TMEM117: variants seen among roughly 807,000 people sequenced by gnomAD.
The protein encoded by TMEM117 is transmembrane protein 117.
TMEM117 carries 27 observed loss-of-function variants against 52.4 expected under a neutral mutation model. The ratio of observed to expected loss-of-function variants is 0.51; its 90% CI spans 0.38 to 0.71. The LOEUF (loss-of-function observed/expected upper bound fraction) is 0.71, where lower values mean the gene tolerates loss of function less well. TMEM117 is among the 30% of genes least tolerant of loss of function. The pLI is 0.00. For synonymous variants in TMEM117, 215 were observed against 206.3 expected (o/e 1.04, Z -0.36); for missense variants, 556 against 630.5 (o/e 0.88, Z 1.26).
intron 6 of TMEM117, among the ~76,000 whole-genome samples, chr12:44,373,281 A>G (rs1951889494): frequency 6.6e-6 from 1 of 152,184 alleles, no homozygotes; most frequent in Non-Finnish European, 1.5e-5. Flanking sequence ...CATGAAACTA[A>G]TGGTTACATG....
At chr12:44,050,468 T>C (rs1231587132) in intron 3 of TMEM117, among the ~76,000 whole-genome samples, 2 of 152,220 alleles carry the variant, frequency 1.3e-5, no homozygotes, top group Non-Finnish European at 2.9e-5. Context: ...TGAGACACTG[T>C]ACCCGGCTAG....
intron 6 of TMEM117, among the ~76,000 whole-genome samples, chr12:44,373,493 C>T (rs529372668): frequency 3.2e-4 from 49 of 152,332 alleles, no homozygotes; most frequent in Non-Finnish European, 5.9e-4. Context: ...ACATACCTAT[C>T]CACTTCCTTT....
In TMEM117 at chr12:44,152,153, A is replaced by G. The variant is rs570799709; in HGVS notation, c.510+8529A>G. The stretch of plus-strand genomic sequence containing the variant: ...ATATTTATATTATTTATATATTTAT[A>G]TTTACATAATATATATAAAATTATA... On this transcript the variant is annotated intron_variant, in intron 4 of 7. Coordinates refer to ENST00000266534, the MANE Select transcript of TMEM117 (RefSeq NM_032256.3). Among the ~76,000 whole-genome samples, 634 of 111,274 alleles carry G rather than the reference A, an allele frequency of 5.7e-3. 4 individuals carry two copies. Among genetic ancestry groups the G allele is most frequent in the African/African-American group, 0.023 (606 of 26,906 alleles). 73.0% of individuals were successfully genotyped at this position (111,274 alleles called of 152,430 possible).
intron 6 of TMEM117, among the ~76,000 whole-genome samples, chr12:44,354,390 C>A (rs1218992020): frequency 6.6e-6 from 1 of 151,980 alleles, no homozygotes; most frequent in East Asian, 1.9e-4. Context: ...GACCAATATC[C>A]TTGATGAACA....
At chr12:44,036,851 TTA>T (rs1397218553) in intron 3 of TMEM117, among the ~76,000 whole-genome samples, 1 of 152,278 alleles carries the variant, frequency 6.6e-6, no homozygotes, top group Non-Finnish European at 1.5e-5. Context: ...AGGTCTGTTC[TTA>T]TTATGTAACA....
chr12:44,339,425 G>A (rs2138746775), intron 6 of TMEM117, among the ~76,000 whole-genome samples: 1 of 152,090 alleles, frequency 6.6e-6, no homozygotes, highest in Non-Finnish European at 1.5e-5. Flanking sequence ...AGAAGTAGTA[G>A]CCAATGGAAT....
At chr12:44,103,759 A>G (rs1947903982) in intron 3 of TMEM117, among the ~76,000 whole-genome samples, 1 of 151,992 alleles carries the variant, frequency 6.6e-6, no homozygotes, top group Non-Finnish European at 1.5e-5. Context: ...GGAAAGTCAC[A>G]TGGCTGAGTC....
At chr12:44,180,128 G>A (rs1949171374) in intron 4 of TMEM117, among the ~76,000 whole-genome samples, 2 of 152,144 alleles carry the variant, frequency 1.3e-5, no homozygotes, top group South Asian at 4.1e-4. Context: ...ACCAAAAAAT[G>A]TGGCCCCTGA....
At chr12:44,211,013 A>G (rs1949638233) in intron 4 of TMEM117, among the ~76,000 whole-genome samples, 1 of 152,168 alleles carries the variant, frequency 6.6e-6, no homozygotes. Flanking sequence ...CTTTGTTTCT[A>G]TGGTACTGTC....
chr12:44,099,705 A>G (rs1947830159), intron 3 of TMEM117, among the ~76,000 whole-genome samples: 1 of 152,046 alleles, frequency 6.6e-6, no homozygotes, highest in African/African-American at 2.4e-5. Context: ...CAAAGTCTAG[A>G]GTTTAGAATT....
At chr12:44,067,057 A>G (rs1313346684) in intron 3 of TMEM117, among the ~76,000 whole-genome samples, 4 of 152,174 alleles carry the variant, frequency 2.6e-5, no homozygotes, top group Admixed American at 6.5e-5. Flanking sequence ...CATCTCAAGA[A>G]AATACTTTCT....
chr12:43,806,181 C>A, the TMEM117 span: 1 of 1,538,800 alleles, frequency 6.5e-7, no homozygotes, highest in South Asian at 1.2e-5. Flanking sequence ...CCGGCTCTCC[C>A]GGAAGCCCCT....
intron 4 of TMEM117, among the ~76,000 whole-genome samples, chr12:44,211,022 T>C (rs1432356717): frequency 6.6e-6 from 1 of 152,142 alleles, no homozygotes; most frequent in East Asian, 1.9e-4. Flanking sequence ...TATGGTACTG[T>C]CTTATATCCG....
chr12:43,911,724 CA>C (rs1944505414), intron 2 of TMEM117, among the ~76,000 whole-genome samples: 1 of 144,812 alleles, frequency 6.9e-6, no homozygotes, highest in Admixed American at 6.9e-5. Context: ...GACATTTATG[CA>C]GCCAAAAAAC....
At chr12:44,302,191 C>G (rs1031973399) in intron 6 of TMEM117, among the ~76,000 whole-genome samples, 2 of 152,190 alleles carry the variant, frequency 1.3e-5, no homozygotes, top group Non-Finnish European at 2.9e-5. Context: ...TGCAGCTCTT[C>G]TTCATAACCT....
intron 5 of TMEM117, among the ~76,000 whole-genome samples, chr12:44,260,367 A>G (rs1950307227): frequency 6.6e-6 from 1 of 152,210 alleles, no homozygotes; most frequent in Non-Finnish European, 1.5e-5. Context: ...CATCAGGTGC[A>G]CAAGTACAAA....
At chr12:43,929,449 T>C (rs1944837265) in intron 2 of TMEM117, among the ~76,000 whole-genome samples, 1 of 152,180 alleles carries the variant, frequency 6.6e-6, no homozygotes, top group South Asian at 2.1e-4. Flanking sequence ...CTTATAGCAC[T>C]TAACTTTATT....
chr12:43,912,531 A>ATATATATATATATATATATATATATG (rs1565747582), intron 2 of TMEM117, among the ~76,000 whole-genome samples: 1 of 115,490 alleles, frequency 8.7e-6, no homozygotes, highest in African/African-American at 2.9e-5. Flanking sequence ...ATATATATAT[A>ATATATATATATATATATATATATATG]TATATGGCAG....
intron 6 of TMEM117, among the ~76,000 whole-genome samples, chr12:44,348,813 T>C (rs534287765): frequency 9.9e-5 from 15 of 151,846 alleles, no homozygotes; most frequent in Admixed American, 9.2e-4. Flanking sequence ...GGGTGAAGAG[T>C]TGGGACCATT....
Sources: allele counts gnomAD v4.1 joint callset (sites outside exome capture counted in the v4.1 genomes callset), GRCh38; gene constraint gnomAD v4.1.1; transcripts MANE v1.5; gene names NCBI Gene and HGNC (gene_info 2026-07-23, HGNC 2026-07-21).